GALNT8: variants seen among roughly 807,000 people sequenced by gnomAD.
The protein encoded by GALNT8 is probable polypeptide N-acetylgalactosaminyltransferase 8.
A neutral mutation model predicts 62.7 loss-of-function variants in GALNT8; 66 were observed. That is an observed-to-expected ratio of 1.05 (90% CI 0.86 to 1.29). The LOEUF (loss-of-function observed/expected upper bound fraction) is 1.29. Ranked by LOEUF, GALNT8 falls within the 50% of genes most tolerant of loss-of-function variation. GALNT8 has a pLI of 0.00. For missense variants in GALNT8, 771 were observed against 791.8 expected (o/e 0.97, Z 0.32); for synonymous variants, 288 against 294.3 (o/e 0.98, Z 0.22).
intron 1 of GALNT8, among the ~76,000 whole-genome samples, chr12:4,725,166 G>A (rs907480678): frequency 5.9e-5 from 9 of 152,218 alleles, no homozygotes; most frequent in Non-Finnish European, 8.8e-5. Context: ...GTGGGATTTA[G>A]TGCTGAAGAA....
chr12:4,720,836 C>A lies in GALNT8; in HGVS notation c.159C>A (p.Tyr53Ter), dbSNP rs749316788. Residue 53 changes from tyrosine to a stop codon, truncating the protein, a stop_gained, in exon 1 of 11, where the codon TAC becomes TAA. Coordinates refer to ENST00000252318, the MANE Select transcript of GALNT8 (RefSeq NM_017417.2). LOFTEE classifies it high-confidence loss of function. ...TTCCTTTACATCTGAATAAACGCTA[C>A]GGGGCAGTGATAAAGAGACTCTCCC... ...RELPLHLNKR[Y>*]GAVIKRLSHL... The A allele has an allele frequency of 1.9e-5, 30 of 1,610,284 alleles. No individual in the cohort carries two copies. The East Asian group carries it at 4.2e-4, about 23-fold the overall frequency.
intron 6 of GALNT8, among the ~76,000 whole-genome samples, chr12:4,757,577 G>T (rs1946350839): frequency 6.6e-6 from 1 of 152,196 alleles, no homozygotes. Flanking sequence ...ATAAAAGGGG[G>T]AAAGAGAGAG....
chr12:4,762,059 C>G (rs1591574170), intron 7 of GALNT8, among the ~76,000 whole-genome samples: 1 of 152,206 alleles, frequency 6.6e-6, no homozygotes, highest in African/African-American at 2.4e-5. Context: ...CCTTCTTTAT[C>G]ATTTAAAGAT....
intron 3 of GALNT8, among the ~76,000 whole-genome samples, chr12:4,740,760 G>A (rs1033668731): frequency 2.0e-5 from 3 of 152,140 alleles, no homozygotes; most frequent in South Asian, 2.1e-4. Flanking sequence ...AACCCTATGA[G>A]GAAGGAATCA....
chr12:4,725,578 C>T (rs1329228423), intron 1 of GALNT8, among the ~76,000 whole-genome samples: 19 of 110,964 alleles, frequency 1.7e-4, no homozygotes, highest in Admixed American at 1.5e-3. Context: ...TTTTTTGAGA[C>T]GGAGTCTCGC....
chr12:4,746,047 T>C, intron 5 of GALNT8, 97 bp from the exon 6 acceptor site: 1 of 711,766 alleles, frequency 1.4e-6, no homozygotes, highest in Admixed American at 2.1e-5. Flanking sequence ...AGAACAGACT[T>C]AGGTAGAGTT....
intron 1 of GALNT8, among the ~76,000 whole-genome samples, chr12:4,725,296 GT>G (rs1946189607): frequency 6.6e-6 from 1 of 152,200 alleles, no homozygotes; most frequent in Non-Finnish European, 1.5e-5. Context: ...ATCTTACTGG[GT>G]GGAAAGGTGA....
chr12:4,738,303 A>G (rs554822656), intron 2 of GALNT8, among the ~76,000 whole-genome samples: 1 of 152,346 alleles, frequency 6.6e-6, no homozygotes, highest in Admixed American at 6.5e-5. Flanking sequence ...AATATAAGAG[A>G]TAAAACTATA....
At chr12:4,743,434 C>T (rs1472478953) in intron 3 of GALNT8, among the ~76,000 whole-genome samples, 1 of 152,230 alleles carries the variant, frequency 6.6e-6, no homozygotes. Flanking sequence ...GTAAATTTTA[C>T]TGCCATAGTC....
chr12:4,763,386 G>A lies in GALNT8; in HGVS notation c.1493G>A (p.Gly498Glu), dbSNP rs552155418. Reference sequence around the variant, plus strand: ...CCACTCCACACCATCGTGGGCTATGGAAGAGTATGTATTATGAAATTGCAC... The same window carrying A: ...CCACTCCACACCATCGTGGGCTATGAAAGAGTATGTATTATGAAATTGCAC... ...LKPLHTIVGYGRMKNLLDENV... is the reference protein window; with the variant it reads ...LKPLHTIVGYERMKNLLDENV... The change falls in exon 8 of 11, where the codon GGA (glycine) becomes GAA (glutamate). Residue 498 changes from glycine (G) to glutamate (E), a missense_variant. Physicochemically the swap from Gly to Glu is moderately conservative, Grantham distance 98 (BLOSUM62 -2). Transcript: ENST00000252318. The A allele has an allele frequency of 6.2e-7, 1 of 1,611,364 alleles. No homozygotes were observed. Among genetic ancestry groups the A allele is most frequent in the South Asian group, 1.1e-5 (1 of 90,762 alleles).
intron 7 of GALNT8, among the ~76,000 whole-genome samples, chr12:4,762,368 C>T (rs1488477098): frequency 6.6e-6 from 1 of 152,178 alleles, no homozygotes; most frequent in East Asian, 1.9e-4. Context: ...AGGGCAGATA[C>T]ACAAGTGGTT....
chr12:4,738,924 A>G (rs960160387), intron 2 of GALNT8, among the ~76,000 whole-genome samples: 4 of 152,226 alleles, frequency 2.6e-5, no homozygotes, highest in African/African-American at 7.2e-5. Context: ...GAATGTTCCA[A>G]TGGAAACATC....
At position 4,762,472 on chromosome 12, in the gene GALNT8, G is replaced by A. The variant is rs57537279; in HGVS notation, c.1360-781G>A. 7.0e-3 allele frequency among the ~76,000 whole-genome samples: 1,068 copies of A among 152,210 alleles called. 10 individuals are homozygous for A. Among genetic ancestry groups the A allele is most frequent in the African/African-American group, 0.024 (1,008 of 41,520 alleles). ...AAGTCTCTTTTAATCTCCAAATCTT[G>A]GTATTAGAGTATTCCTTCCAAAAGC... is the stretch of plus-strand genomic sequence containing the variant. On this transcript the variant is annotated intron_variant, in intron 7 of 10. Coordinates refer to ENST00000252318, the MANE Select transcript of GALNT8 (RefSeq NM_017417.2).
intron 4 of GALNT8, among the ~76,000 whole-genome samples, 190 bp from the exon 5 acceptor site, chr12:4,745,235 CTTCT>C (rs1946291792): frequency 6.6e-6 from 1 of 152,168 alleles, no homozygotes. Flanking sequence ...TGCGGGTTGG[CTTCT>C]AGCAGCTTCA....
intron 9 of GALNT8, among the ~76,000 whole-genome samples, chr12:4,764,905 G>A (rs1226319649): frequency 6.7e-6 from 1 of 149,340 alleles, no homozygotes; most frequent in Non-Finnish European, 1.5e-5. Context: ...TTCTTACTTT[G>A]CATGCTGCCC....
chr12:4,746,945 T>C (rs1013919974), intron 6 of GALNT8, among the ~76,000 whole-genome samples: 2 of 152,180 alleles, frequency 1.3e-5, no homozygotes, highest in Admixed American at 1.3e-4. Flanking sequence ...GTGCTAGTCC[T>C]GACCAACTTC....
At chr12:4,731,625 A>G (rs751100796) in intron 2 of GALNT8, among the ~76,000 whole-genome samples, 3 of 152,328 alleles carry the variant, frequency 2.0e-5, no homozygotes, top group Admixed American at 6.5e-5. Context: ...TGGGTTTGTC[A>G]TATGACCTTT....
chr12:4,743,528 G>A (rs1226847960), intron 3 of GALNT8, among the ~76,000 whole-genome samples: 3 of 152,160 alleles, frequency 2.0e-5, no homozygotes, highest in Admixed American at 6.5e-5. Flanking sequence ...CAAGAATCTC[G>A]TTCCTTGGCT....
chr12:4,760,503 G>T (rs1946366544), intron 6 of GALNT8, among the ~76,000 whole-genome samples: 1 of 152,146 alleles, frequency 6.6e-6, no homozygotes, highest in Non-Finnish European at 1.5e-5. Flanking sequence ...CAAGGGGAGG[G>T]GATCAGGCAA....
Sources: allele counts gnomAD v4.1 joint callset (sites outside exome capture counted in the v4.1 genomes callset), GRCh38; gene constraint gnomAD v4.1.1; transcripts MANE v1.5; gene names NCBI Gene and HGNC (gene_info 2026-07-23, HGNC 2026-07-21).